The following CSK variants were observed in gnomAD, a reference collection of about 807,000 sequenced individuals.
The protein encoded by CSK is tyrosine-protein kinase CSK.
CSK carries 7 observed loss-of-function variants against 62.3 expected under a neutral mutation model. That is an observed-to-expected ratio of 0.11 (90% CI 0.06 to 0.21). The LOEUF is 0.21. Ranked by LOEUF, CSK falls within the 10% of genes least tolerant of loss-of-function variation. CSK has a pLI of 1.00. For synonymous variants in CSK, 237 were observed against 246.0 expected, an observed-to-expected ratio of 0.96 and a Z score of 0.34; for missense variants, 294 against 613.5, an observed-to-expected ratio of 0.48 and a Z score of 5.50.
intron 5 of CSK, 41 bp from the exon 6 acceptor site, chr15:74,800,371 C>A (rs1189875150): frequency 4.4e-6 from 7 of 1,586,702 alleles, no homozygotes; most frequent in Non-Finnish European, 5.2e-6. Flanking sequence ...TATGGGGCAC[C>A]TTGGGCTGTC....
intron 9 of CSK, 88 bp from the exon 10 acceptor site, chr15:74,801,434 T>C (rs1045981266): frequency 5.2e-5 from 69 of 1,315,354 alleles, no homozygotes; most frequent in Non-Finnish European, 6.7e-5. Flanking sequence ...CTCCCTGGAG[T>C]GTCAACACCC....
intron 1 of CSK, among the ~76,000 whole-genome samples, chr15:74,789,936 A>G (rs1470131065): frequency 6.6e-6 from 1 of 152,010 alleles, no homozygotes; most frequent in Non-Finnish European, 1.5e-5. Flanking sequence ...CACAGAGGAG[A>G]GGTGTGTGAG....
chr15:74,800,845 A>T lies in CSK; in HGVS notation c.645A>T (p.Arg215=). ...EFGDVMLGDY[R]GNKVAVKCIK... ...CAGACGTGATGCTGGGCGATTACCGAGGGAACAAAGTCGCCGTCAAGTGCA... is the reference window on the plus strand; with the variant it reads ...CAGACGTGATGCTGGGCGATTACCGTGGGAACAAAGTCGCCGTCAAGTGCA... Residue 215 remains arginine (R), a synonymous_variant, in exon 8 of 13, where the codon CGA becomes CGT. Transcript: ENST00000220003. The T allele has an allele frequency of 6.2e-7, 1 of 1,613,270 alleles. No homozygotes were observed. Among genetic ancestry groups the T allele is most frequent in the Non-Finnish European group, 8.5e-7 (1 of 1,179,874 alleles).
chr15:74,784,938 C>T lies in CSK; in HGVS notation c.-66+2218C>T, dbSNP rs555260263. On this transcript the variant is annotated intron_variant, in intron 1 of 12. Coordinates refer to ENST00000220003, the MANE Select transcript of CSK (RefSeq NM_004383.3). ...GACTGTCCCAAATGAGAAAGGCATC[C>T]CATGGCAGAAATTGTCCCAGACACG... Among the ~76,000 whole-genome samples the T allele has an allele frequency of 1.1e-3, 171 of 152,150 alleles. 1 individual carries two copies. The highest frequency in any genetic ancestry group is 2.0e-3 in the Non-Finnish European group (136 of 67,986).
rs1194800114 is a variant in CSK, at chr15:74,799,256, C to G, written c.243-16C>G. The G allele has an allele frequency of 6.3e-7, 1 of 1,599,460 alleles. No individual in the cohort carries two copies. The highest frequency in any genetic ancestry group is 8.5e-7 in the Non-Finnish European group (1 of 1,172,850). On this transcript the variant is annotated splice_polypyrimidine_tract_variant and intron_variant, in intron 4 of 12. Coordinates refer to ENST00000220003, the MANE Select transcript of CSK (RefSeq NM_004383.3). The stretch of plus-strand genomic sequence containing the variant: ...ACCTTTGGGCCACCATGACCTCCAG[C>G]CCTGCTGCTCCCCAGTTGGTTCCAC...
Position 74,799,279 on chromosome 15 carries a change from C to T in CSK, c.250C>T (p.His84Tyr). The change falls in exon 5 of 13, where the codon CAC becomes TAC. Residue 84 changes from histidine to tyrosine, a missense_variant. His to Tyr is a moderately conservative substitution (Grantham distance 83, BLOSUM62 2). Around this residue, in one of 3 missense-constraint regions of CSK, gnomAD observed 202 missense variants for 415.7 expected, o/e 0.49. Coordinates refer to ENST00000220003, the MANE Select transcript of CSK (RefSeq NM_004383.3). ...GTKLSLMPWF[H>Y]GKITREQAER... Reference sequence around the variant, plus strand: ...AGCCCTGCTGCTCCCCAGTTGGTTCCACGGCAAGATCACACGGGAGCAGGC... The same window carrying T: ...AGCCCTGCTGCTCCCCAGTTGGTTCTACGGCAAGATCACACGGGAGCAGGC... The T allele has an allele frequency of 6.2e-7, 1 of 1,607,948 alleles. No homozygotes were observed. The highest frequency in any genetic ancestry group is 8.5e-7 in the Non-Finnish European group (1 of 1,177,682).
intron 12 of CSK, 68 bp downstream of exon 12, chr15:74,802,151 C>G (rs2063802472): frequency 6.6e-7 from 1 of 1,519,552 alleles, no homozygotes; most frequent in South Asian, 1.2e-5. Context: ...GCGTGAGCCT[C>G]CTTGGGCCCT....
intron 1 of CSK, among the ~76,000 whole-genome samples, chr15:74,788,014 C>T (rs2063551061): frequency 6.6e-6 from 1 of 152,196 alleles, no homozygotes; most frequent in Admixed American, 6.5e-5. Context: ...CACTTCCTGG[C>T]AGAGCTGGTA....
intron 9 of CSK, 36 bp from the exon 10 acceptor site, chr15:74,801,485 GT>G (rs781597035): frequency 1.9e-6 from 3 of 1,592,804 alleles, no homozygotes; most frequent in Non-Finnish European, 2.6e-6. Flanking sequence ...TGCAGGGCAC[GT>G]CTGACCTCGG....
In CSK at chr15:74,802,256, C is replaced by A. The variant is rs535239561; in HGVS notation, c.1171-75C>A. ...GGTCTGCGGCAAAGCTGATGGGCAT[C>A]CCTGAGAGGCTGCTGGGTAGGTGTC... On this transcript the variant is annotated intron_variant, in intron 12 of 12. Transcript: ENST00000220003. 32 of 1,474,778 alleles carry A rather than the reference C, an allele frequency of 2.2e-5. No homozygotes were observed. In the South Asian group the frequency reaches 3.6e-4, roughly 17 times the overall value. 91.4% of individuals were successfully genotyped at this position (1,474,778 alleles called of 1,614,324 possible).
At chr15:74,787,855 C>A (rs1479019273) in intron 1 of CSK, among the ~76,000 whole-genome samples, 8 of 152,248 alleles carry the variant, frequency 5.3e-5, no homozygotes, top group Non-Finnish European at 8.8e-5. Context: ...ACACCTGGTC[C>A]TCATGCAGAC....
chr15:74,787,174 A>G lies in CSK; in HGVS notation c.-66+4454A>G, dbSNP rs541438983. Among the ~76,000 whole-genome samples, 25 of 152,308 alleles carry G rather than the reference A, an allele frequency of 1.6e-4. 2 individuals are homozygous for G. In the South Asian group the frequency reaches 3.5e-3, roughly 21 times the overall value. On this transcript the variant is annotated intron_variant, in intron 1 of 12. Coordinates refer to ENST00000220003, the MANE Select transcript of CSK (RefSeq NM_004383.3). ...CCCTCTCCTCTGGGTCCCTTCATCCAAGGGCTGGAAATAGAATCCGCTAAG... is the reference window on the plus strand; with the variant it reads ...CCCTCTCCTCTGGGTCCCTTCATCCGAGGGCTGGAAATAGAATCCGCTAAG...
chr15:74,783,938 G>A (rs1045889083), intron 1 of CSK, among the ~76,000 whole-genome samples: 11 of 152,234 alleles, frequency 7.2e-5, no homozygotes, highest in African/African-American at 2.7e-4. Context: ...ACTGGCAGCA[G>A]GCTACAGACT....
chr15:74,795,625 C>G (rs1012875227), intron 1 of CSK, among the ~76,000 whole-genome samples: 10 of 152,182 alleles, frequency 6.6e-5, no homozygotes, highest in Admixed American at 6.5e-4. Flanking sequence ...TATGTGTGTG[C>G]AGACGGGTGG....
chr15:74,787,653 C>T (rs2063544539), intron 1 of CSK, among the ~76,000 whole-genome samples: 1 of 152,146 alleles, frequency 6.6e-6, no homozygotes, highest in African/African-American at 2.4e-5. Context: ...CACACACCCT[C>T]CAACCGCAGC....
chr15:74,792,344 CG>C (rs904872523), intron 1 of CSK, among the ~76,000 whole-genome samples: 5 of 152,002 alleles, frequency 3.3e-5, no homozygotes, highest in Admixed American at 2.6e-4. Flanking sequence ...AATGGCAAGG[CG>C]GGGAGGGAGA....
At chr15:74,796,086 C>T (rs1023767772) in intron 1 of CSK, among the ~76,000 whole-genome samples, 9 of 152,144 alleles carry the variant, frequency 5.9e-5, no homozygotes, top group African/African-American at 1.2e-4. Context: ...GCTGTGTTGG[C>T]GCACGCCTAT....
chr15:74,793,053 A>T (rs954410393), intron 1 of CSK: 1 of 152,178 alleles, frequency 6.6e-6, no homozygotes, highest in South Asian at 2.1e-4. Context: ...CAGGGGTCTC[A>T]TGACCCCACC....
intron 5 of CSK, among the ~76,000 whole-genome samples, chr15:74,800,038 ACT>A (rs1393937862): frequency 6.6e-6 from 1 of 151,572 alleles, no homozygotes; most frequent in Non-Finnish European, 1.5e-5. Context: ...CTCTGTATTC[ACT>A]CTTATCTCCC....
Sources: allele counts gnomAD v4.1 joint callset (sites outside exome capture counted in the v4.1 genomes callset), GRCh38; gene constraint gnomAD v4.1.1; regional missense constraint gnomAD v4.1.1; transcripts MANE v1.5; gene names NCBI Gene and HGNC (gene_info 2026-07-23, HGNC 2026-07-21).